ZBTB20: variants seen among roughly 807,000 people sequenced by gnomAD.
ZBTB20 encodes the protein zinc finger and BTB domain-containing protein 20.
In ZBTB20, 9 loss-of-function variants were observed where a neutral mutation model predicts 56.9. The ratio of observed to expected loss-of-function variants is 0.16; its 90% CI spans 0.10 to 0.28. ZBTB20 has a LOEUF of 0.28. Ranked by LOEUF, ZBTB20 falls within the 10% of genes least tolerant of loss-of-function variation. ZBTB20 has a pLI of 1.00. For missense variants in ZBTB20, 655 were observed against 1,003.0 expected (o/e 0.65, Z 4.69); for synonymous variants, 417 against 420.7 (o/e 0.99, Z 0.11).
intron 3 of ZBTB20, among the ~76,000 whole-genome samples, chr3:114,918,486 G>A (rs754541452): frequency 6.6e-6 from 1 of 152,080 alleles, no homozygotes; most frequent in Non-Finnish European, 1.5e-5. Flanking sequence ...CCTGAAGCCA[G>A]CATGTTTCAG....
chr3:114,590,507 AAAAT>A (rs2055644647), intron 6 of ZBTB20, among the ~76,000 whole-genome samples: 1 of 80,518 alleles, frequency 1.2e-5, no homozygotes, highest in African/African-American at 3.8e-5. Flanking sequence ...TATTTAATAA[AAAAT>A]AAAAATAAAT....
chr3:115,002,167 CTG>C (rs1169442140), intron 2 of ZBTB20, among the ~76,000 whole-genome samples: 1 of 151,336 alleles, frequency 6.6e-6, no homozygotes, highest in Non-Finnish European at 1.5e-5. Context: ...AGTCCAATAA[CTG>C]AACATCCACA....
intron 3 of ZBTB20, among the ~76,000 whole-genome samples, chr3:114,946,449 A>G (rs1022567418): frequency 1.4e-5 from 2 of 145,640 alleles, no homozygotes; most frequent in African/African-American, 5.6e-5. Context: ...AAAGAAAGAC[A>G]AATATAAGCA....
intron 6 of ZBTB20, among the ~76,000 whole-genome samples, chr3:114,554,845 T>A (rs189647154): frequency 6.6e-6 from 1 of 152,290 alleles, no homozygotes; most frequent in East Asian, 1.9e-4. Flanking sequence ...GACATGGAAT[T>A]CACACTTGCC....
chr3:114,772,335 G>A (rs9833523), intron 5 of ZBTB20, among the ~76,000 whole-genome samples: 100,760 of 151,964 alleles, frequency 0.66, 38,379 homozygotes, highest in East Asian at 0.95. Flanking sequence ...GTGAGACTCC[G>A]TCTCAAAAAA....
chr3:114,343,878 T>C (rs1379559919), intron 11 of ZBTB20, among the ~76,000 whole-genome samples: 4 of 152,048 alleles, frequency 2.6e-5, no homozygotes, highest in Non-Finnish European at 2.9e-5. Context: ...TGAAACCACA[T>C]CTCTACTAAA....
At chr3:114,720,890 TA>T (rs774311533) in intron 5 of ZBTB20, among the ~76,000 whole-genome samples, 2 of 152,094 alleles carry the variant, frequency 1.3e-5, no homozygotes, top group Non-Finnish European at 2.9e-5. Flanking sequence ...ATATTCAGAA[TA>T]GGGGTTTAGA....
intron 4 of ZBTB20, among the ~76,000 whole-genome samples, chr3:114,899,594 G>C (rs1245429409): frequency 2.6e-5 from 4 of 152,122 alleles, no homozygotes; most frequent in African/African-American, 9.7e-5. Context: ...AAACCAGTGA[G>C]TTTTAGAATA....
chr3:114,866,104 A>C (rs1339847830), intron 4 of ZBTB20, among the ~76,000 whole-genome samples: 1 of 152,232 alleles, frequency 6.6e-6, no homozygotes, highest in Non-Finnish European at 1.5e-5. Flanking sequence ...CCTTGGGCAA[A>C]GATCTTAACC....
intron 5 of ZBTB20, among the ~76,000 whole-genome samples, chr3:114,699,571 T>C (rs937457423): frequency 6.6e-6 from 1 of 152,172 alleles, no homozygotes; most frequent in Non-Finnish European, 1.5e-5. Context: ...AAGATTCAAC[T>C]TAAAGCATGT....
At chr3:114,608,693 C>G (rs553573831) in intron 6 of ZBTB20, among the ~76,000 whole-genome samples, 2 of 152,308 alleles carry the variant, frequency 1.3e-5, no homozygotes, top group East Asian at 3.9e-4. Flanking sequence ...CTAGCCCATT[C>G]CCACAGAAGC....
intron 6 of ZBTB20, among the ~76,000 whole-genome samples, chr3:114,636,390 G>A (rs1196578236): frequency 6.6e-6 from 1 of 152,036 alleles, no homozygotes; most frequent in Admixed American, 6.6e-5. Flanking sequence ...AAATACTAGA[G>A]ACCTCTAGTA....
intron 6 of ZBTB20, among the ~76,000 whole-genome samples, chr3:114,541,125 C>A (rs1163550068): frequency 6.6e-6 from 1 of 151,950 alleles, no homozygotes; most frequent in Non-Finnish European, 1.5e-5. Context: ...GTTAAATGCC[C>A]TTTTGATTAT....
chr3:114,823,934 T>G (rs1339793973), intron 4 of ZBTB20, among the ~76,000 whole-genome samples: 1 of 152,018 alleles, frequency 6.6e-6, no homozygotes, highest in African/African-American at 2.4e-5. Context: ...TTGAATTACA[T>G]AAGCACAAAA....
intron 6 of ZBTB20, among the ~76,000 whole-genome samples, chr3:114,665,576 G>A (rs1282237902): frequency 6.6e-6 from 1 of 151,878 alleles, no homozygotes; most frequent in Non-Finnish European, 1.5e-5. Context: ...ATGAAAATAA[G>A]GTTTATAATT....
At chr3:115,084,587 T>C (rs545973392) in intron 1 of ZBTB20, among the ~76,000 whole-genome samples, 1 of 152,134 alleles carries the variant, frequency 6.6e-6, no homozygotes, top group South Asian at 2.1e-4. Context: ...GATTAATTTA[T>C]ATTAACATCT....
At chr3:114,741,434 G>C (rs1026969771) in intron 5 of ZBTB20, among the ~76,000 whole-genome samples, 1 of 152,156 alleles carries the variant, frequency 6.6e-6, no homozygotes, top group African/African-American at 2.4e-5. Flanking sequence ...GAGACTTTTA[G>C]AAAGTCTAAT....
intron 6 of ZBTB20, among the ~76,000 whole-genome samples, chr3:114,517,800 T>C (rs887586154): frequency 6.6e-6 from 1 of 152,032 alleles, no homozygotes; most frequent in African/African-American, 2.4e-5. Context: ...GGTCTTGAAT[T>C]CCTGACCTCA....
rs2079059195 is a variant in ZBTB20, at chr3:114,326,232, T to C, written c.*12773A>G. 1.3e-5 allele frequency: 2 copies of C among 152,202 alleles called. No homozygotes were observed. The highest frequency in any genetic ancestry group is 2.9e-5 in the Non-Finnish European group (2 of 68,026). The allele number at this position is 152,202 out of a possible 1,614,324, so 9.4% of individuals were successfully genotyped here. A position where few individuals can be genotyped will look rare whatever the true frequency, so the allele number is the denominator to read the frequency against. ...TACCCAAAGAATTTAATTAAACTAA[T>C]TTATTCCCAGCCTTATTCCAAAAAG... is the stretch of plus-strand genomic sequence containing the variant. On this transcript the variant is annotated 3_prime_UTR_variant, in exon 12 of 12. Transcript: ENST00000675478.
Sources: allele counts gnomAD v4.1 joint callset (sites outside exome capture counted in the v4.1 genomes callset), GRCh38; gene constraint gnomAD v4.1.1; transcripts MANE v1.5; gene names NCBI Gene and HGNC (gene_info 2026-07-23, HGNC 2026-07-21).